SPTBN1: variants seen among roughly 807,000 people sequenced by gnomAD.
The protein encoded by SPTBN1 is spectrin beta chain, non-erythrocytic 1.
A neutral mutation model predicts 266.4 loss-of-function variants in SPTBN1; 32 were observed. That is an observed-to-expected ratio of 0.12 (90% CI 0.09 to 0.16). The LOEUF is 0.16. SPTBN1 is among the 10% of genes least tolerant of loss of function. The pLI is 1.00. For missense variants in SPTBN1, 2,296 were observed against 3,067.1 expected, an observed-to-expected ratio of 0.75 and a Z score of 5.94; for synonymous variants, 1,336 against 1,162.2, an observed-to-expected ratio of 1.15 and a Z score of -3.04.
Position 54,557,792 on chromosome 2 carries a change from C to T in SPTBN1, c.148+31226C>T, listed in dbSNP as rs183453030. The T allele has an allele frequency of 7.1e-6, 7 of 985,406 alleles. No individual in the cohort carries two copies. The Admixed American group carries it at 4.3e-4, about 60-fold the overall frequency. 61.0% of individuals were successfully genotyped at this position (985,406 alleles called of 1,614,324 possible). A position where few individuals can be genotyped will look rare whatever the true frequency, so the allele number is the denominator to read the frequency against. ...CCGCCTTCATATCCCCTGATGGCAG[C>T]GTAAGTCAGCCGAGATTCTTCACTG... On this transcript the variant is annotated intron_variant, in intron 2 of 35. Transcript: ENST00000356805.
chr2:54,534,854 T>C (rs1671507010), intron 2 of SPTBN1, among the ~76,000 whole-genome samples: 1 of 152,170 alleles, frequency 6.6e-6, no homozygotes, highest in Non-Finnish European at 1.5e-5. Context: ...CTCATCCCCC[T>C]TCCTGGCCCA....
intron 2 of SPTBN1, among the ~76,000 whole-genome samples, chr2:54,550,436 A>T (rs1270249904): frequency 6.6e-6 from 1 of 152,186 alleles, no homozygotes; most frequent in Non-Finnish European, 1.5e-5. Flanking sequence ...GTTGTTCCAT[A>T]TCTCTGCAAC....
chr2:54,594,091 A>C (rs1675879252), intron 2 of SPTBN1, among the ~76,000 whole-genome samples: 1 of 152,136 alleles, frequency 6.6e-6, no homozygotes, highest in Non-Finnish European at 1.5e-5. Context: ...TCGGCCTCCC[A>C]AAGCTGGGAT....
intron 2 of SPTBN1, among the ~76,000 whole-genome samples, chr2:54,578,077 A>G (rs1366215715): frequency 6.6e-6 from 1 of 152,226 alleles, no homozygotes; most frequent in Non-Finnish European, 1.5e-5. Context: ...CTCAGCTGAC[A>G]GTACAGACTC....
intron 3 of SPTBN1, among the ~76,000 whole-genome samples, chr2:54,602,502 T>C (rs1370406500): frequency 6.6e-6 from 1 of 152,210 alleles, no homozygotes; most frequent in Non-Finnish European, 1.5e-5. Flanking sequence ...GCAGTGAAGA[T>C]TGATTCTCAC....
Position 54,626,979 on chromosome 2 carries a change from C to G in SPTBN1, c.1644+745C>G, listed in dbSNP as rs1678380836. ...ATGCTCAGCCATGCCAAGCAGTTCT[C>G]CAGCTGGGAGGCCTTTAGCCTTGTA... On this transcript the variant is annotated intron_variant, in intron 12 of 35. Transcript: ENST00000356805. The surrounding 1 kb of genome is among the most constrained non-coding windows in gnomAD (Gnocchi z 4.7). 1.3e-5 allele frequency among the ~76,000 whole-genome samples: 2 copies of G among 151,330 alleles called. No homozygotes were observed. Among genetic ancestry groups the G allele is most frequent in the African/African-American group, 4.8e-5 (2 of 41,364 alleles).
In SPTBN1 at chr2:54,624,992, G is replaced by A. The variant is rs186475318; in HGVS notation, c.1341+30G>A. On this transcript the variant is annotated intron_variant, in intron 11 of 35. Transcript: ENST00000356805. ...TGCTCTTGACATTATTAAAAAGACT[G>A]TTGCTAGGGTAATCTAGAAACACAG... 1.2e-3 allele frequency: 1,906 copies of A among 1,543,976 alleles called. 20 individuals carry two copies. The African/African-American group carries it at 0.022, about 18-fold the overall frequency.
Position 54,631,002 on chromosome 2 carries a change from C to G in SPTBN1, c.2955C>G (p.Gly985=). ...TCATCGAGTCCACCCAGGACCTGGG[C>G]AATGACCTGGCTGGCGTCATGGCCC... ...TKVIESTQDL[G]NDLAGVMALQ... The change falls in exon 16 of 36, where the codon GGC becomes GGG. Residue 985 remains glycine (G), a synonymous_variant. Coordinates refer to ENST00000356805, the MANE Select transcript of SPTBN1 (RefSeq NM_003128.3). 6.2e-7 allele frequency: 1 copy of G among 1,614,156 alleles called. No homozygotes were observed. Among genetic ancestry groups the G allele is most frequent in the Non-Finnish European group, 8.5e-7 (1 of 1,180,030 alleles).
At chr2:54,522,062 T>A (rs369866818) in intron 1 of SPTBN1, among the ~76,000 whole-genome samples, 22 of 150,344 alleles carry the variant, frequency 1.5e-4, no homozygotes, top group African/African-American at 4.9e-4. Flanking sequence ...CACAGCTGGC[T>A]ATTTTTTTTT....
At chr2:54,647,339 G>C (rs1372946226) in intron 24 of SPTBN1, 78 bp downstream of exon 24, 1 of 1,557,240 alleles carries the variant, frequency 6.4e-7, no homozygotes, top group East Asian at 2.3e-5. Context: ...CCCACCAAAA[G>C]AAAATGTCAG....
At position 54,645,471 on chromosome 2, in the gene SPTBN1, G is replaced by T; in HGVS notation, c.4494+18G>T. The T allele has an allele frequency of 2.5e-6, 4 of 1,610,786 alleles. No homozygotes were observed. Among genetic ancestry groups the T allele is most frequent in the Non-Finnish European group, 3.4e-6 (4 of 1,177,572 alleles). ...ACGAGATCGTGAGTCGACCCCTACT[G>T]CACACATGGCTTTTCCACGAGCCCC... On this transcript the variant is annotated intron_variant, in intron 21 of 35. Transcript: ENST00000356805. The surrounding 1 kb of genome is among the most constrained non-coding windows in gnomAD (Gnocchi z 4.3).
At chr2:54,600,919 C>T (rs1057359871) in intron 3 of SPTBN1, among the ~76,000 whole-genome samples, 1 of 151,570 alleles carries the variant, frequency 6.6e-6, no homozygotes, top group Admixed American at 6.6e-5. Context: ...TTATTTTATA[C>T]CAAGAAGATT....
intron 1 of SPTBN1, among the ~76,000 whole-genome samples, chr2:54,518,541 GAC>G (rs1670249535): frequency 6.6e-6 from 1 of 151,578 alleles, no homozygotes; most frequent in East Asian, 1.9e-4. Context: ...AAAATTCTCA[GAC>G]ACACGATTTG....
At chr2:54,654,277 T>C (rs1572762607) in intron 27 of SPTBN1, among the ~76,000 whole-genome samples, 1 of 152,224 alleles carries the variant, frequency 6.6e-6, no homozygotes, top group East Asian at 1.9e-4. Flanking sequence ...CTCTATCCCT[T>C]TCCATGCACA....
chr2:54,628,825 T>G lies in SPTBN1; in HGVS notation c.1799-108T>G. The G allele has an allele frequency of 8.7e-5, 122 of 1,397,246 alleles. No individual in the cohort carries two copies. Among genetic ancestry groups the G allele is most frequent in the Non-Finnish European group, 1.1e-4 (110 of 1,039,458 alleles). 86.6% of individuals were successfully genotyped at this position (1,397,246 alleles called of 1,614,324 possible). On this transcript the variant is annotated intron_variant, in intron 13 of 35. Transcript: ENST00000356805. The surrounding 1 kb of genome is among the most constrained non-coding windows in gnomAD (Gnocchi z 4.3). ...ATGGCCCTGCATTTACATTTAGCAG[T>G]GAGCTGGTAATCATAAGAATATGGG...
At chr2:54,586,480 C>A (rs1383209181) in intron 2 of SPTBN1, among the ~76,000 whole-genome samples, 1 of 152,176 alleles carries the variant, frequency 6.6e-6, no homozygotes, top group East Asian at 1.9e-4. Flanking sequence ...ATTGCTGTGG[C>A]TTTCTTTATT....
Position 54,649,016 on chromosome 2 carries a change from G to A in SPTBN1, c.5028G>A (p.Val1676=), listed in dbSNP as rs372967106. The A allele has an allele frequency of 3.7e-6, 6 of 1,613,708 alleles. No homozygotes were observed. The Admixed American group carries it at 8.3e-5, about 22-fold the overall frequency. ...SERISMRQSK[V]DKLYAGLKDL... The stretch of plus-strand genomic sequence containing the variant: ...GCATTAGCATGCGGCAGTCCAAAGT[G>A]GATAAACTGTACGCTGGTCTGAAAG... The change falls in exon 25 of 36, where the codon GTG becomes GTA. Residue 1676 remains valine (V), a synonymous_variant. Transcript: ENST00000356805. This position sits in a 1 kb window ranked among gnomAD's most constrained non-coding sequence, Gnocchi z 6.7.
At position 54,645,738 on chromosome 2, in the gene SPTBN1, T is replaced by C. The variant is rs978662131; in HGVS notation, c.4495-190T>C. Among the ~76,000 whole-genome samples the C allele has an allele frequency of 2.0e-5, 3 of 152,112 alleles. No individual in the cohort carries two copies. On this transcript the variant is annotated intron_variant, in intron 21 of 35. Coordinates refer to ENST00000356805, the MANE Select transcript of SPTBN1 (RefSeq NM_003128.3). The surrounding 1 kb of genome is among the most constrained non-coding windows in gnomAD (Gnocchi z 4.3). ...AGTGAGTTTGACCTTGAGGATGAGG[T>C]AGAGTTGGAAAGACTCTCCCTAGCC... is the stretch of plus-strand genomic sequence containing the variant.
intron 4 of SPTBN1, among the ~76,000 whole-genome samples, chr2:54,613,505 A>C (rs1437848716): frequency 6.6e-6 from 1 of 152,164 alleles, no homozygotes; most frequent in Non-Finnish European, 1.5e-5. Flanking sequence ...AGGGGACTAG[A>C]ATGAGTTACA....
Sources: allele counts gnomAD v4.1 joint callset (sites outside exome capture counted in the v4.1 genomes callset), GRCh38; gene constraint gnomAD v4.1.1; non-coding constraint Gnocchi (gnomAD v3.1); transcripts MANE v1.5; gene names NCBI Gene and HGNC (gene_info 2026-07-23, HGNC 2026-07-21).